CNTNAP2: variants seen among roughly 807,000 people sequenced by gnomAD.
CNTNAP2 encodes the protein contactin associated protein 2, also known as contactin-associated protein-like 2.
In CNTNAP2, 98 loss-of-function variants were observed where a neutral mutation model predicts 155.2. The ratio of observed to expected loss-of-function variants is 0.63; its 90% confidence interval spans 0.54 to 0.75. The LOEUF (loss-of-function observed/expected upper bound fraction) is 0.75. Ranked by LOEUF, CNTNAP2 falls within the 30% of genes least tolerant of loss-of-function variation. CNTNAP2 has a pLI of 0.00. For synonymous variants in CNTNAP2, 651 were observed against 631.2 expected, an observed-to-expected ratio of 1.03 and a Z score of -0.47; for missense variants, 1,727 against 1,688.1, an observed-to-expected ratio of 1.02 and a Z score of -0.40.
At chr7:148,199,880 A>G (rs1294632085) in intron 18 of CNTNAP2, among the ~76,000 whole-genome samples, 9 of 152,198 alleles carry the variant, frequency 5.9e-5, no homozygotes, top group African/African-American at 2.2e-4. Flanking sequence ...AGCCACTGGT[A>G]TAATTCAGTC....
chr7:146,443,610 C>T (rs1489365540), intron 1 of CNTNAP2, among the ~76,000 whole-genome samples: 3 of 152,168 alleles, frequency 2.0e-5, no homozygotes, highest in African/African-American at 4.8e-5. Context: ...ACCACAGTGT[C>T]GTCATTTTGT....
intron 13 of CNTNAP2, among the ~76,000 whole-genome samples, chr7:147,674,658 A>T (rs149709960): frequency 1.3e-5 from 2 of 152,280 alleles, no homozygotes; most frequent in East Asian, 1.9e-4. Flanking sequence ...AGATCAAGAG[A>T]TTATCTTCAT....
chr7:146,643,533 A>G (rs1799751754), intron 1 of CNTNAP2, among the ~76,000 whole-genome samples: 1 of 151,944 alleles, frequency 6.6e-6, no homozygotes, highest in Non-Finnish European at 1.5e-5. Context: ...CTGTTTTGGT[A>G]CCAGTACCAT....
intron 1 of CNTNAP2, among the ~76,000 whole-genome samples, chr7:146,176,313 C>T (rs1251210229): frequency 1.3e-5 from 2 of 152,076 alleles, no homozygotes; most frequent in Admixed American, 1.3e-4. Flanking sequence ...GTCTATGGAT[C>T]ATATTGCCTC....
intron 15 of CNTNAP2, among the ~76,000 whole-genome samples, chr7:148,099,868 G>GTT (rs751537152): frequency 0.022 from 1,981 of 88,844 alleles, 44 homozygotes; most frequent in African/African-American, 0.046. Flanking sequence ...TTTTTTTTTG[G>GTT]TTTTTTTTTT....
intron 21 of CNTNAP2, among the ~76,000 whole-genome samples, chr7:148,367,628 A>T (rs1038250245): frequency 1.3e-5 from 2 of 152,166 alleles, no homozygotes; most frequent in African/African-American, 2.4e-5. Flanking sequence ...TGCCAAAAGA[A>T]CTAGATCTCT....
At chr7:147,147,219 A>G (rs1468724275) in intron 8 of CNTNAP2, among the ~76,000 whole-genome samples, 2 of 152,124 alleles carry the variant, frequency 1.3e-5, no homozygotes, top group Non-Finnish European at 2.9e-5. Flanking sequence ...TTCACTCACT[A>G]TCACCAGAAC....
intron 5 of CNTNAP2, among the ~76,000 whole-genome samples, chr7:147,111,703 C>A (rs1317068540): frequency 6.6e-6 from 1 of 152,102 alleles, no homozygotes; most frequent in African/African-American, 2.4e-5. Context: ...TTTCTGAGTT[C>A]TATACTGTGT....
At chr7:147,218,739 A>T (rs1803329677) in intron 8 of CNTNAP2, among the ~76,000 whole-genome samples, 1 of 152,174 alleles carries the variant, frequency 6.6e-6, no homozygotes, top group South Asian at 2.1e-4. Context: ...CATTATATCC[A>T]GTTGATTCAT....
At position 146,868,427 on chromosome 7, in the gene CNTNAP2, G is replaced by A. The variant is rs1003035709; in HGVS notation, c.402+28523G>A. Among the ~76,000 whole-genome samples, 16 of 152,250 alleles carry A rather than the reference G, an allele frequency of 1.1e-4. 2 individuals carry two copies. The highest frequency in any genetic ancestry group is 9.8e-4 in the Admixed American group (15 of 15,276). On this transcript the variant is annotated intron_variant, in intron 3 of 23. Coordinates refer to ENST00000361727, the MANE Select transcript of CNTNAP2 (RefSeq NM_014141.6). Reference sequence around the variant, plus strand: ...CTGTTTTCATTCCTTTAGCCTTGTAGTATAGTTTAAAGTTGGGCAACGTGA... The same window carrying A: ...CTGTTTTCATTCCTTTAGCCTTGTAATATAGTTTAAAGTTGGGCAACGTGA...
intron 15 of CNTNAP2, among the ~76,000 whole-genome samples, chr7:148,116,444 T>A (rs1804473897): frequency 6.6e-6 from 1 of 152,106 alleles, no homozygotes; most frequent in African/African-American, 2.4e-5. Flanking sequence ...AACGGTTTCT[T>A]TGTCTTGCAT....
chr7:146,240,174 C>T (rs1353934163), intron 1 of CNTNAP2, among the ~76,000 whole-genome samples: 7 of 152,090 alleles, frequency 4.6e-5, no homozygotes, highest in Non-Finnish European at 8.8e-5. Context: ...AAGCTCCTGC[C>T]TAAATTTTTT....
intron 2 of CNTNAP2, among the ~76,000 whole-genome samples, chr7:146,807,630 G>T (rs1437083990): frequency 6.6e-6 from 1 of 151,948 alleles, no homozygotes; most frequent in Middle Eastern, 3.4e-3. Context: ...CCTAACCCAC[G>T]CTTTGGAACC....
At chr7:147,074,503 T>C (rs6958979) in intron 4 of CNTNAP2, among the ~76,000 whole-genome samples, 1,606 of 152,278 alleles carry the variant, frequency 0.011, 30 homozygotes, top group Middle Eastern at 0.027. Context: ...AGTAGCCGCA[T>C]CATGGATTAG....
At position 146,132,419 on chromosome 7, in the gene CNTNAP2, TA is replaced by T. The variant is rs1368610776; in HGVS notation, c.97+15447del. Among the ~76,000 whole-genome samples, 8 of 152,264 alleles carry T rather than the reference TA, an allele frequency of 5.3e-5. No homozygotes were observed. The East Asian group carries it at 5.8e-4, about 11-fold the overall frequency. On this transcript the variant is annotated intron_variant, in intron 1 of 23. Transcript: ENST00000361727. Reference sequence around the variant, plus strand: ...ACATTTATTTATTTATTTGTTTATTTATTTTTTTATTATACTTTAAGTTTTA... The same window carrying T: ...ACATTTATTTATTTATTTGTTTATTTTTTTTTTATTATACTTTAAGTTTTA...
chr7:146,951,682 T>C (rs1007240254), intron 3 of CNTNAP2, among the ~76,000 whole-genome samples: 1 of 152,186 alleles, frequency 6.6e-6, no homozygotes, highest in African/African-American at 2.4e-5. Flanking sequence ...TACCATGCTG[T>C]TTTGGTTACT....
chr7:148,379,841 A>C (rs1637853), intron 21 of CNTNAP2, among the ~76,000 whole-genome samples: 109,013 of 152,194 alleles, frequency 0.72, 40,158 homozygotes, highest in Admixed American at 0.81. Context: ...TTATTCTCCC[A>C]GTGTTTCCTG....
intron 10 of CNTNAP2, among the ~76,000 whole-genome samples, chr7:147,474,796 C>G (rs1019056148): frequency 1.3e-5 from 2 of 152,080 alleles, no homozygotes; most frequent in African/African-American, 4.8e-5. Context: ...ATAGGGTAAG[C>G]TCAATCAAGG....
At chr7:147,696,204 A>T (rs1796159032) in intron 13 of CNTNAP2, among the ~76,000 whole-genome samples, 1 of 152,146 alleles carries the variant, frequency 6.6e-6, no homozygotes, top group East Asian at 1.9e-4. Flanking sequence ...TTCAATTAAT[A>T]TCTATAATAC....
Sources: gnomAD v4.1 joint callset for allele counts (sites outside exome capture counted in the v4.1 genomes callset) on GRCh38, gnomAD v4.1.1 for gene constraint, MANE v1.5 for transcripts, NCBI Gene and HGNC (gene_info 2026-07-23, HGNC 2026-07-21) for gene names.